The following KIF6 variants were observed in gnomAD, a reference collection of about 807,000 sequenced individuals.
KIF6 encodes the protein kinesin family member 6, also known as kinesin-like protein KIF6.
In KIF6, 106 loss-of-function variants were observed where a neutral mutation model predicts 112.7. The ratio of observed to expected loss-of-function variants is 0.94; its 90% CI spans 0.80 to 1.11. KIF6 has a LOEUF of 1.11. Among genes scored for constraint, KIF6 ranks in the 50% least tolerant of loss-of-function variants. The pLI is 0.00. For missense variants in KIF6, 929 were observed against 964.0 expected (o/e 0.96, Z 0.48); for synonymous variants, 339 against 339.9 (o/e 1.00, Z 0.03).
chr6:39,588,083 T>C (rs146621998), intron 7 of KIF6, among the ~76,000 whole-genome samples: 6 of 152,360 alleles, frequency 3.9e-5, no homozygotes, highest in African/African-American at 1.4e-4. Flanking sequence ...TTAATGAATG[T>C]TTCTTTTTTC....
rs144652394 is a variant in KIF6, at chr6:39,540,173, G to T, written c.1475C>A (p.Ala492Asp). The change falls in exon 13 of 23, where the codon GCT becomes GAT. Residue 492 changes from alanine (A) to aspartate (D), a missense_variant. This residue lies in a region of KIF6 where 688 missense variants were observed against 662.7 expected (regional missense o/e 1.04). Coordinates refer to ENST00000287152, the MANE Select transcript of KIF6 (RefSeq NM_145027.6). The stretch of plus-strand genomic sequence containing the variant: ...TCTATCCATGCCAGCCAAGTGGAGA[G>T]CCTCCTGAGCTTTCTTCTTTTCTTT... ...LKKEKKKAQE[A>D]LHLAGMDRRE... is the part of the protein sequence containing the mutation. 161 of 1,613,530 alleles carry T rather than the reference G, an allele frequency of 1.0e-4. 1 individual carries two copies. In the African/African-American group the frequency reaches 2.1e-3, roughly 21 times the overall value.
intron 10 of KIF6, among the ~76,000 whole-genome samples, chr6:39,557,048 C>T (rs931192301): frequency 2.6e-5 from 4 of 151,848 alleles, no homozygotes; most frequent in Admixed American, 2.6e-4. Context: ...GCAGAACCTA[C>T]ATACATATGC....
intron 13 of KIF6, among the ~76,000 whole-genome samples, chr6:39,449,587 C>T (rs1398816172): frequency 3.3e-5 from 5 of 152,196 alleles, no homozygotes; most frequent in Non-Finnish European, 7.3e-5. Flanking sequence ...CATATCCTTC[C>T]TTAGCACTTA....
chr6:39,689,166 T>C (rs919779927), intron 3 of KIF6, among the ~76,000 whole-genome samples: 1 of 152,084 alleles, frequency 6.6e-6, no homozygotes, highest in African/African-American at 2.4e-5. Context: ...AAAAGAAATA[T>C]AACAAATATG....
chr6:39,676,699 A>G (rs1787159965), intron 3 of KIF6, among the ~76,000 whole-genome samples: 2 of 152,140 alleles, frequency 1.3e-5, no homozygotes, highest in Admixed American at 1.3e-4. Flanking sequence ...TTTAGACTTT[A>G]TAAAGTCAAG....
At chr6:39,648,224 G>C (rs553491099) in intron 3 of KIF6, among the ~76,000 whole-genome samples, 1 of 43,572 alleles carries the variant, frequency 2.3e-5, no homozygotes, top group South Asian at 7.7e-4. Context: ...GGGGGCGGGC[G>C]GGGGGGGGTG....
intron 22 of KIF6, among the ~76,000 whole-genome samples, chr6:39,341,027 C>G (rs552484220): frequency 1.3e-5 from 2 of 152,252 alleles, no homozygotes; most frequent in East Asian, 1.9e-4. Flanking sequence ...CCCTCTCCCA[C>G]CACAGCATCA....
At chr6:39,672,778 G>A (rs182014088) in intron 3 of KIF6, among the ~76,000 whole-genome samples, 1 of 151,994 alleles carries the variant, frequency 6.6e-6, no homozygotes, top group East Asian at 1.9e-4. Context: ...ATCTGATTAG[G>A]GTCCCACTCT....
chr6:39,717,472 G>A (rs895095421), intron 2 of KIF6, among the ~76,000 whole-genome samples: 14 of 152,124 alleles, frequency 9.2e-5, no homozygotes, highest in Non-Finnish European at 1.5e-4. Flanking sequence ...TTGCTCAAAT[G>A]TTCCTTTGCT....
intron 16 of KIF6, among the ~76,000 whole-genome samples, chr6:39,362,978 G>A (rs1221410431): frequency 6.6e-6 from 1 of 152,012 alleles, no homozygotes; most frequent in Non-Finnish European, 1.5e-5. Flanking sequence ...GTCAAACCCC[G>A]TCTCTACTAA....
At chr6:39,665,622 A>G (rs1274240783) in intron 3 of KIF6, among the ~76,000 whole-genome samples, 1 of 152,220 alleles carries the variant, frequency 6.6e-6, no homozygotes, top group Non-Finnish European at 1.5e-5. Context: ...ACAGGAATAG[A>G]CTATAAGCAA....
chr6:39,569,240 G>A (rs1780513271), intron 10 of KIF6, among the ~76,000 whole-genome samples: 1 of 152,206 alleles, frequency 6.6e-6, no homozygotes, highest in Non-Finnish European at 1.5e-5. Context: ...ACTGACAAGA[G>A]ACTGTCCCTA....
chr6:39,524,171 A>T (rs962792214), intron 13 of KIF6, among the ~76,000 whole-genome samples: 41 of 151,950 alleles, frequency 2.7e-4, no homozygotes, highest in African/African-American at 9.9e-4. Flanking sequence ...AGAGAGAGAG[A>T]GATAGAAACA....
At chr6:39,447,927 T>C (rs1422156286) in intron 13 of KIF6, among the ~76,000 whole-genome samples, 1 of 152,152 alleles carries the variant, frequency 6.6e-6, no homozygotes, top group Non-Finnish European at 1.5e-5. Context: ...TCTCGGTAAA[T>C]GGTACAGCAA....
intron 22 of KIF6, among the ~76,000 whole-genome samples, chr6:39,337,168 C>CT (rs531905392): frequency 0.087 from 4,227 of 48,458 alleles, 375 homozygotes; most frequent in Non-Finnish European, 0.098. Flanking sequence ...TCTTTCTTTC[C>CT]TTCCTTCTTT....
At chr6:39,598,804 A>C (rs1479333223) in intron 6 of KIF6, among the ~76,000 whole-genome samples, 1 of 152,172 alleles carries the variant, frequency 6.6e-6, no homozygotes, top group Admixed American at 6.6e-5. Context: ...CTTGGGATAG[A>C]TTGACATAAA....
intron 16 of KIF6, among the ~76,000 whole-genome samples, chr6:39,384,264 C>T (rs1188223322): frequency 1.3e-5 from 2 of 152,202 alleles, no homozygotes; most frequent in Admixed American, 6.5e-5. Flanking sequence ...ACTCCATATC[C>T]AGGGACCTGC....
chr6:39,348,346 G>A (rs1361352395), intron 19 of KIF6, among the ~76,000 whole-genome samples: 1 of 152,120 alleles, frequency 6.6e-6, no homozygotes, highest in Non-Finnish European at 1.5e-5. Context: ...AGAAGGGCAC[G>A]ATCACACCGT....
intron 13 of KIF6, among the ~76,000 whole-genome samples, chr6:39,510,872 CAAAAAAAAAAA>C (rs1180631310): frequency 8.4e-5 from 2 of 23,858 alleles, no homozygotes; most frequent in Non-Finnish European, 1.5e-4. Context: ...AAATGGGAAG[CAAAAAAAAAAA>C]AAAAAAAAAA....
Sources: allele counts gnomAD v4.1 joint callset (sites outside exome capture counted in the v4.1 genomes callset), GRCh38; gene constraint gnomAD v4.1.1; regional missense constraint gnomAD v4.1.1; transcripts MANE v1.5; gene names NCBI Gene and HGNC (gene_info 2026-07-23, HGNC 2026-07-21).